Variants in DHX9 observed in about 807,000 individuals in gnomAD.
DHX9 encodes DExH-box helicase 9.
In DHX9, 27 loss-of-function variants were observed where a neutral mutation model predicts 148.7. The observed-to-expected ratio is 0.18, with a 90% confidence interval of 0.13 to 0.25. DHX9 has a LOEUF of 0.25. Ranked by LOEUF, DHX9 falls within the 10% of genes least tolerant of loss-of-function variation. The pLI, the probability that DHX9 is intolerant of heterozygous loss-of-function variation, is 1.00. For missense variants in DHX9, 796 were observed against 1,559.6 expected (o/e 0.51, Z 8.25); for synonymous variants, 529 against 516.6 (o/e 1.02, Z -0.33).
At chr1:182,853,251 T>G in intron 4 of DHX9, 55 bp from the exon 5 acceptor site, 1 of 1,235,294 alleles carries the variant, frequency 8.1e-7, no homozygotes, top group Non-Finnish European at 1.2e-6. Flanking sequence ...CTTTAATGTA[T>G]TTAGGATTTT....
chr1:182,840,726 C>A (rs1233869859), intron 1 of DHX9, among the ~76,000 whole-genome samples: 1 of 151,624 alleles, frequency 6.6e-6, no homozygotes, highest in East Asian at 1.9e-4. Flanking sequence ...TAAAATAGTT[C>A]CATTTAGATG....
At chr1:182,881,460 T>C in intron 23 of DHX9, 35 bp downstream of exon 23, 1 of 1,609,950 alleles carries the variant, frequency 6.2e-7, no homozygotes, top group Non-Finnish European at 8.5e-7. Context: ...GTCTGTAGTT[T>C]CTCATTTGTA....
intron 8 of DHX9, 100 bp from the exon 9 acceptor site, chr1:182,858,451 T>C: frequency 6.0e-6 from 7 of 1,171,202 alleles, no homozygotes; most frequent in Non-Finnish European, 8.5e-6. Context: ...GAACTGACTA[T>C]TGGTTTAGGA....
chr1:182,848,055 A>G (rs990334300), intron 3 of DHX9, among the ~76,000 whole-genome samples: 1 of 152,132 alleles, frequency 6.6e-6, no homozygotes, highest in East Asian at 1.9e-4. Flanking sequence ...TGTTCCAGCT[A>G]CAGTAGCTGT....
chr1:182,846,151 C>G (rs1001375427), intron 3 of DHX9, among the ~76,000 whole-genome samples: 1 of 151,886 alleles, frequency 6.6e-6, no homozygotes, highest in African/African-American at 2.4e-5. Flanking sequence ...GCAGTCAACT[C>G]GTTAGCATAC....
At chr1:182,884,281 A>T (rs1263084163) in intron 26 of DHX9, among the ~76,000 whole-genome samples, 3 of 152,120 alleles carry the variant, frequency 2.0e-5, no homozygotes, top group Non-Finnish European at 2.9e-5. Flanking sequence ...AAAAAAAAAG[A>T]AAGTCTGAAT....
At chr1:182,854,261 C>A in intron 6 of DHX9, 83 bp downstream of exon 6, 1 of 1,277,950 alleles carries the variant, frequency 7.8e-7, no homozygotes, top group Non-Finnish European at 1.1e-6. Context: ...TATTTTTGTA[C>A]GTTGTCTGGT....
In DHX9 at chr1:182,858,843, C is replaced by G; in HGVS notation, c.1011C>G (p.Ser337=). The G allele has an allele frequency of 6.2e-7, 1 of 1,614,142 alleles. No homozygotes were observed. The highest frequency in any genetic ancestry group is 8.5e-7 in the Non-Finnish European group (1 of 1,180,042). The change falls in exon 10 of 28, where the codon TCC becomes TCG. Residue 337 remains serine (S), a synonymous_variant. Coordinates refer to ENST00000367549, the MANE Select transcript of DHX9 (RefSeq NM_001357.5). Reference sequence around the variant, plus strand: ...TGGTTCCTTGGTCACCTCCACAATCCAACTGGAATCCTTGGACTAGTAGCA... The same window carrying G: ...TGGTTCCTTGGTCACCTCCACAATCGAACTGGAATCCTTGGACTAGTAGCA... ...VGVVPWSPPQ[S]NWNPWTSSNI...
chr1:182,887,367 G>A lies in DHX9; in HGVS notation c.3746G>A (p.Arg1249Gln), dbSNP rs780048503. ...GGYRGSGGFQRGGGRGAYGTG... is the reference protein window; with the variant it reads ...GGYRGSGGFQQGGGRGAYGTG... Reference sequence around the variant, plus strand: ...TACAGAGGATCTGGGGGATTCCAGCGAGGAGGTGGTAGGGGGGCCTATGGA... The same window carrying A: ...TACAGAGGATCTGGGGGATTCCAGCAAGGAGGTGGTAGGGGGGCCTATGGA... Residue 1249 changes from arginine to glutamine, a missense_variant, in exon 28 of 28, where the codon CGA becomes CAA. Transcript: ENST00000367549. The A allele has an allele frequency of 5.0e-6, 8 of 1,614,136 alleles. No individual in the cohort carries two copies. The highest frequency in any genetic ancestry group is 2.2e-5 in the East Asian group (1 of 44,874).
At chr1:182,844,351 A>G (rs916270093) in intron 3 of DHX9, among the ~76,000 whole-genome samples, 1 of 152,164 alleles carries the variant, frequency 6.6e-6, no homozygotes, top group Non-Finnish European at 1.5e-5. Flanking sequence ...GTATGCAACA[A>G]ATACCTCTGT....
intron 8 of DHX9, 73 bp from the exon 9 acceptor site, chr1:182,858,478 G>A: frequency 7.6e-7 from 1 of 1,311,284 alleles, no homozygotes; most frequent in East Asian, 2.3e-5. Flanking sequence ...TAGACCTAGT[G>A]TTGACTGTAT....
intron 12 of DHX9, among the ~76,000 whole-genome samples, chr1:182,861,818 C>T (rs1416911565): frequency 1.3e-5 from 2 of 152,124 alleles, no homozygotes; most frequent in African/African-American, 2.4e-5. Context: ...AGCGTTTGTC[C>T]CAAAATCAGT....
At chr1:182,884,314 T>G (rs972139095) in intron 26 of DHX9, among the ~76,000 whole-genome samples, 7 of 152,088 alleles carry the variant, frequency 4.6e-5, no homozygotes, top group Non-Finnish European at 8.8e-5. Context: ...TGGACTTTGT[T>G]TTTTGTTTAT....
At chr1:182,885,701 A>G (rs1649288194) in intron 27 of DHX9, among the ~76,000 whole-genome samples, 1 of 152,252 alleles carries the variant, frequency 6.6e-6, no homozygotes. Flanking sequence ...AACCAGGCAC[A>G]GATAAGACCC....
chr1:182,874,784 G>A, intron 15 of DHX9, 70 bp from the exon 16 acceptor site: 1 of 1,215,358 alleles, frequency 8.2e-7, no homozygotes, highest in Non-Finnish European at 1.2e-6. Context: ...CTATGAATTA[G>A]CAAATGAATT....
At position 182,887,642 on chromosome 1, in the gene DHX9, A is replaced by G; in HGVS notation, c.*208A>G. On this transcript the variant is annotated 3_prime_UTR_variant, in exon 28 of 28. Transcript: ENST00000367549. ...TGTAAAATATAACGATCTCTTAAAA[A>G]TACCACAGTTTGTATTTTTTCTTTA... 2.0e-6 allele frequency: 1 copy of G among 506,872 alleles called. No homozygotes were observed. Among genetic ancestry groups the G allele is most frequent in the Non-Finnish European group, 3.5e-6 (1 of 285,908 alleles). The allele number at this position is 506,872 out of a possible 1,614,324, so 31.4% of individuals were successfully genotyped here.
At chr1:182,857,360 G>C (rs144602766) in intron 7 of DHX9, among the ~76,000 whole-genome samples, 10 of 152,272 alleles carry the variant, frequency 6.6e-5, no homozygotes, top group African/African-American at 2.4e-4. Context: ...GAAACTTTCT[G>C]TTAATATTTT....
chr1:182,875,969 A>T, intron 16 of DHX9, 81 bp from the exon 17 acceptor site: 1 of 1,016,510 alleles, frequency 9.8e-7, no homozygotes, highest in Non-Finnish European at 1.5e-6. Context: ...ACAAGTAATT[A>T]GAGTCACTAG....
intron 24 of DHX9, 37 bp downstream of exon 24, chr1:182,881,684 G>A: frequency 2.6e-6 from 4 of 1,559,432 alleles, no homozygotes; most frequent in Non-Finnish European, 3.5e-6. Flanking sequence ...TCTTTAAAGT[G>A]ACATTTATAT....
Sources: allele counts gnomAD v4.1 joint callset (sites outside exome capture counted in the v4.1 genomes callset), GRCh38; gene constraint gnomAD v4.1.1; transcripts MANE v1.5; gene names NCBI Gene and HGNC (gene_info 2026-07-23, HGNC 2026-07-21).